TXLNB: variants seen among roughly 807,000 people sequenced by gnomAD.
TXLNB encodes the protein beta-taxilin.
A neutral mutation model predicts 57.4 loss-of-function variants in TXLNB; 37 were observed. The observed-to-expected ratio is 0.64, with a 90% CI of 0.50 to 0.85. The LOEUF is 0.85. Ranked by LOEUF, TXLNB falls within the 40% of genes least tolerant of loss-of-function variation. The probability of loss-of-function intolerance (pLI) is 0.00; values close to 1 mark genes in which losing one functional copy is unlikely to be tolerated. For synonymous variants in TXLNB, 302 were observed against 309.6 expected, an observed-to-expected ratio of 0.98 and a Z score of 0.26; for missense variants, 848 against 825.6, an observed-to-expected ratio of 1.03 and a Z score of -0.33.
intron 3 of TXLNB, among the ~76,000 whole-genome samples, chr6:139,273,370 G>A (rs1420426308): frequency 3.3e-5 from 5 of 152,272 alleles, no homozygotes; most frequent in Admixed American, 3.3e-4. Context: ...TTATCTGAGT[G>A]TCAGGAGGAA....
chr6:139,296,349 A>G (rs1412546423), upstream of TXLNB, among the ~76,000 whole-genome samples: 6 of 152,102 alleles, frequency 3.9e-5, no homozygotes, highest in Admixed American at 2.0e-4. Context: ...CTTAAGACAT[A>G]TTATTTTCCC....
the TXLNB span, among the ~76,000 whole-genome samples, chr6:139,216,114 T>C: frequency 1.3e-5 from 2 of 151,968 alleles, no homozygotes; most frequent in South Asian, 2.1e-4. Flanking sequence ...CCCAGCCATC[T>C]CATTACTGGG....
chr6:139,242,808 C>A lies in TXLNB; in HGVS notation c.1773G>T (p.Glu591Asp). 1 of 1,614,152 alleles carries A rather than the reference C, an allele frequency of 6.2e-7. No homozygotes were observed. Among genetic ancestry groups the A allele is most frequent in the Non-Finnish European group, 8.5e-7 (1 of 1,180,032 alleles). ...PAGLGAETQC[E>D]GLPVGAQADQ... is the part of the protein sequence containing the mutation. ...CAGCCTGTGCTCCAACAGGGAGACC[C>A]TCGCATTGGGTTTCTGCTCCCAACC... Residue 591 changes from glutamate (E) to aspartate (D), a missense_variant, in exon 10 of 10, where the codon GAG becomes GAT. Physicochemically the swap from Glu to Asp is conservative, Grantham distance 45. Coordinates refer to ENST00000358430, the MANE Select transcript of TXLNB (RefSeq NM_153235.4).
At chr6:139,245,596 G>T (rs1041369748) in intron 8 of TXLNB, 4 of 152,216 alleles carry the variant, frequency 2.6e-5, no homozygotes, top group African/African-American at 9.6e-5. Flanking sequence ...GAGGCCAGAG[G>T]CTGGGCCCAA....
the TXLNB span, among the ~76,000 whole-genome samples, chr6:139,312,275 A>G: frequency 6.6e-6 from 1 of 152,080 alleles, no homozygotes; most frequent in East Asian, 1.9e-4. Flanking sequence ...AGGACATTAG[A>G]CTTGAGGAAA....
the TXLNB span, among the ~76,000 whole-genome samples, chr6:139,317,649 C>T: frequency 1.3e-5 from 2 of 152,020 alleles, no homozygotes; most frequent in Non-Finnish European, 2.9e-5. Flanking sequence ...CCTCGGCCTC[C>T]CAAAGTGCTG....
the TXLNB span, among the ~76,000 whole-genome samples, chr6:139,169,228 A>G: frequency 5.9e-5 from 9 of 151,988 alleles, no homozygotes; most frequent in African/African-American, 2.2e-4. Flanking sequence ...GACCCCTTAG[A>G]TTATTTTTTT....
At chr6:139,198,312 G>A in the TXLNB span, among the ~76,000 whole-genome samples, 1 of 151,876 alleles carries the variant, frequency 6.6e-6, no homozygotes, top group Non-Finnish European at 1.5e-5. Flanking sequence ...TTCTTAAAGA[G>A]GCCCTACTCA....
the TXLNB span, among the ~76,000 whole-genome samples, chr6:139,163,438 T>G: frequency 2.4e-4 from 36 of 151,198 alleles, no homozygotes; most frequent in Non-Finnish European, 5.9e-5. Flanking sequence ...CACTACAACC[T>G]TCGTCTTCCA....
At chr6:139,239,503 C>G (rs182381891), downstream of TXLNB, 1 of 152,458 alleles carries the variant, frequency 6.6e-6, no homozygotes, top group Admixed American at 6.5e-5. The surrounding 1 kb of genome is among the most constrained non-coding windows in gnomAD (Gnocchi z 4.7). Context: ...GACATTTTTT[C>G]TTTTTTTGAG....
At chr6:139,286,631 C>A (rs1777182429) in intron 2 of TXLNB, among the ~76,000 whole-genome samples, 1 of 152,168 alleles carries the variant, frequency 6.6e-6, no homozygotes, top group African/African-American at 2.4e-5. Flanking sequence ...AGATGAGTGG[C>A]AGGCGACAGA....
the TXLNB span, among the ~76,000 whole-genome samples, chr6:139,168,752 A>G: frequency 6.6e-6 from 1 of 152,260 alleles, no homozygotes; most frequent in East Asian, 1.9e-4. Flanking sequence ...GCTTTTTGAG[A>G]AAGGGAGCAT....
chr6:139,260,553 A>G, intron 5 of TXLNB, 116 bp from the exon 6 acceptor site: 1 of 1,138,490 alleles, frequency 8.8e-7, no homozygotes, highest in Non-Finnish European at 1.2e-6. Flanking sequence ...AAAAGAAGAG[A>G]GGGATAAATG....
At position 139,243,170 on chromosome 6, in the gene TXLNB, G is replaced by T. The variant is rs1177984189; in HGVS notation, c.1411C>A (p.Gln471Lys). 1 of 1,614,130 alleles carries T rather than the reference G, an allele frequency of 6.2e-7. No homozygotes were observed. Among genetic ancestry groups the T allele is most frequent in the East Asian group, 2.2e-5 (1 of 44,886 alleles). ...TCTGGCTCTTCATCGGAGTTGTGCT[G>T]ACTTTGGTCATCCTTTTCAGATATT... ...AEISEKDDQS[Q>K]HNSDEEPESN... The change falls in exon 10 of 10, where the codon CAG becomes AAG. Residue 471 changes from glutamine (Q) to lysine (K), a missense_variant. Coordinates refer to ENST00000358430, the MANE Select transcript of TXLNB (RefSeq NM_153235.4).
intron 2 of TXLNB, among the ~76,000 whole-genome samples, chr6:139,280,453 C>T (rs747265899): frequency 1.1e-3 from 161 of 151,986 alleles, no homozygotes; most frequent in Middle Eastern, 6.8e-3. Flanking sequence ...ACCAGCCTGG[C>T]CAATACATAG....
chr6:139,307,389 A>G, the TXLNB span, among the ~76,000 whole-genome samples: 6 of 152,116 alleles, frequency 3.9e-5, no homozygotes, highest in African/African-American at 1.2e-4. Context: ...AGGTCTTGCT[A>G]TGTTGCTCAC....
chr6:139,212,502 C>T, the TXLNB span, among the ~76,000 whole-genome samples: 871 of 151,816 alleles, frequency 5.7e-3, 8 homozygotes, highest in East Asian at 0.013. Flanking sequence ...AAGGAACAAC[C>T]GGTACCAGCC....
the TXLNB span, among the ~76,000 whole-genome samples, chr6:139,171,940 C>T: frequency 4.0e-3 from 612 of 151,944 alleles, 2 homozygotes; most frequent in Middle Eastern, 0.014. Context: ...AAGCGATTCT[C>T]CTGCCTCAGC....
chr6:139,215,208 C>A, the TXLNB span, among the ~76,000 whole-genome samples: 1 of 152,088 alleles, frequency 6.6e-6, no homozygotes, highest in Non-Finnish European at 1.5e-5. Flanking sequence ...GGAGGCATCA[C>A]GCTACCTGAC....
Sources: gnomAD v4.1 joint callset for allele counts (sites outside exome capture counted in the v4.1 genomes callset) on GRCh38, gnomAD v4.1.1 for gene constraint, Gnocchi (gnomAD v3.1) non-coding constraint, MANE v1.5 for transcripts, NCBI Gene and HGNC (gene_info 2026-07-23, HGNC 2026-07-21) for gene names.